Variants in CADM2 observed in about 807,000 individuals in gnomAD.
CADM2 encodes the protein cell adhesion molecule 2.
In CADM2, 12 loss-of-function variants were observed where a neutral mutation model predicts 49.8. That is an observed-to-expected ratio of 0.24 (90% CI 0.15 to 0.39). The LOEUF is 0.39. Ranked by LOEUF, CADM2 falls within the 10% of genes least tolerant of loss-of-function variation. CADM2 has a pLI of 1.00. For missense variants in CADM2, 378 were observed against 492.3 expected, an observed-to-expected ratio of 0.77 and a Z score of 2.20; for synonymous variants, 214 against 175.4, an observed-to-expected ratio of 1.22 and a Z score of -1.74.
At chr3:85,877,800 A>G (rs1292500606) in intron 3 of CADM2, among the ~76,000 whole-genome samples, 1 of 148,294 alleles carries the variant, frequency 6.7e-6, no homozygotes, top group African/African-American at 2.5e-5. Context: ...CTTATCACAT[A>G]TAGACAGAGT....
chr3:85,766,346 C>G (rs1329885201), intron 2 of CADM2, among the ~76,000 whole-genome samples: 8 of 152,104 alleles, frequency 5.3e-5, no homozygotes, highest in Non-Finnish European at 1.2e-4. Context: ...ATAGTTATGT[C>G]AGGGCCCCAG....
At chr3:85,389,440 C>T (rs1037333363) in intron 1 of CADM2, among the ~76,000 whole-genome samples, 1 of 151,838 alleles carries the variant, frequency 6.6e-6, no homozygotes, top group African/African-American at 2.4e-5. Context: ...GGAAGTGGCC[C>T]GTATAGCTGT....
chr3:85,069,305 TG>T (rs1290221135), intron 1 of CADM2, among the ~76,000 whole-genome samples: 9 of 152,158 alleles, frequency 5.9e-5, no homozygotes, highest in Non-Finnish European at 1.2e-4. Flanking sequence ...TTTGAGACAT[TG>T]TATTTGTTTT....
intron 1 of CADM2, among the ~76,000 whole-genome samples, chr3:85,389,599 A>G (rs138894452): frequency 1.2e-3 from 176 of 152,250 alleles, no homozygotes; most frequent in African/African-American, 4.2e-3. Context: ...AAAAGAGACT[A>G]TCTGTACCAC....
intron 1 of CADM2, among the ~76,000 whole-genome samples, chr3:85,502,005 A>C (rs2040138220): frequency 6.6e-6 from 1 of 152,180 alleles, no homozygotes; most frequent in South Asian, 2.1e-4. Context: ...CATGAATTTA[A>C]ACGCTGAAAA....
At chr3:85,377,887 C>T (rs929381678) in intron 1 of CADM2, among the ~76,000 whole-genome samples, 4 of 151,826 alleles carry the variant, frequency 2.6e-5, no homozygotes, top group South Asian at 2.1e-4. Context: ...AATCAAAATT[C>T]GATGTCAGAT....
At chr3:85,643,988 C>G (rs2064810879) in intron 1 of CADM2, among the ~76,000 whole-genome samples, 1 of 151,902 alleles carries the variant, frequency 6.6e-6, no homozygotes, top group Non-Finnish European at 1.5e-5. Context: ...TCAAGGTATG[C>G]TAGTTCATGC....
At chr3:86,010,349 A>G (rs1457742699) in intron 8 of CADM2, among the ~76,000 whole-genome samples, 1 of 151,890 alleles carries the variant, frequency 6.6e-6, no homozygotes, top group Non-Finnish European at 1.5e-5. Flanking sequence ...TTTTAAATCA[A>G]TATTCTGTTG....
chr3:85,783,168 T>C (rs1327456678), intron 2 of CADM2, among the ~76,000 whole-genome samples: 1 of 152,172 alleles, frequency 6.6e-6, no homozygotes, highest in African/African-American at 2.4e-5. Flanking sequence ...CACTTTTTTG[T>C]TTTTATCTTG....
chr3:85,965,282 C>A (rs1013325079), intron 8 of CADM2, among the ~76,000 whole-genome samples: 23 of 146,980 alleles, frequency 1.6e-4, no homozygotes, highest in Non-Finnish European at 3.0e-4. Context: ...TATAAATAAT[C>A]ATAATAAATA....
chr3:85,338,435 A>C (rs1461550186), intron 1 of CADM2, among the ~76,000 whole-genome samples: 1 of 151,590 alleles, frequency 6.6e-6, no homozygotes, highest in Admixed American at 6.6e-5. Context: ...CTTCATAGTA[A>C]GTAATCTGTG....
At chr3:85,601,142 A>G (rs1210137190) in intron 1 of CADM2, among the ~76,000 whole-genome samples, 2,305 of 76,142 alleles carry the variant, frequency 0.03, 52 homozygotes, top group Middle Eastern at 0.075. Flanking sequence ...ATATATATAT[A>G]TATATATATA....
intron 8 of CADM2, among the ~76,000 whole-genome samples, chr3:86,022,751 C>A (rs1733358409): frequency 6.6e-6 from 1 of 152,094 alleles, no homozygotes; most frequent in South Asian, 2.1e-4. Context: ...CAAATTTAAC[C>A]TAGGTTATTC....
intron 8 of CADM2, among the ~76,000 whole-genome samples, chr3:86,050,760 A>G (rs924905436): frequency 2.0e-5 from 3 of 152,162 alleles, no homozygotes; most frequent in African/African-American, 4.8e-5. Flanking sequence ...TTGAGTCACA[A>G]TTAGAGGTGG....
intron 8 of CADM2, among the ~76,000 whole-genome samples, chr3:86,055,729 G>A (rs1018218455): frequency 5.9e-5 from 9 of 152,128 alleles, no homozygotes; most frequent in African/African-American, 1.9e-4. Context: ...CATCACGTTG[G>A]TGATTAAGAT....
chr3:85,204,817 T>C (rs1367560208), intron 1 of CADM2, among the ~76,000 whole-genome samples: 1 of 152,088 alleles, frequency 6.6e-6, no homozygotes, highest in Non-Finnish European at 1.5e-5. Context: ...TTTGTACTAC[T>C]ATCTTTTTCT....
chr3:85,556,130 A>G (rs2061953315), intron 1 of CADM2, among the ~76,000 whole-genome samples: 1 of 152,174 alleles, frequency 6.6e-6, no homozygotes. Context: ...AATAACATAA[A>G]CAGTAGATTA....
At position 85,568,769 on chromosome 3, in the gene CADM2, A is replaced by AT. The variant is rs74343554; in HGVS notation, c.62-157743dup. Among the ~76,000 whole-genome samples, 37 of 149,020 alleles carry AT rather than the reference A, an allele frequency of 2.5e-4. 1 individual carries two copies. The highest frequency in any genetic ancestry group is 3.5e-4 in the African/African-American group (14 of 40,050). Reference sequence around the variant, plus strand: ...AGGCGTGAGCCACCACACCAAACTAATTTTTTTTTTGTATTTTTAGTGGAG... The same window carrying AT: ...AGGCGTGAGCCACCACACCAAACTAATTTTTTTTTTTGTATTTTTAGTGGAG... On this transcript the variant is annotated intron_variant, in intron 1 of 9. Transcript: ENST00000383699.
chr3:85,153,545 T>G (rs899166256), intron 1 of CADM2, among the ~76,000 whole-genome samples: 4 of 152,006 alleles, frequency 2.6e-5, no homozygotes, highest in African/African-American at 9.7e-5. Flanking sequence ...CTTGCTTAGG[T>G]AAACAAAGCA....
Sources: allele counts gnomAD v4.1 joint callset (sites outside exome capture counted in the v4.1 genomes callset), GRCh38; gene constraint gnomAD v4.1.1; transcripts MANE v1.5; gene names NCBI Gene and HGNC (gene_info 2026-07-23, HGNC 2026-07-21).